Variants in OSBPL9 observed in about 807,000 individuals in gnomAD.
OSBPL9 encodes the protein oxysterol binding protein like 9, also known as oxysterol-binding protein-related protein 9.
In OSBPL9, 40 loss-of-function variants were observed where a neutral mutation model predicts 106.6. That is an observed-to-expected ratio of 0.38 (90% CI 0.29 to 0.49). The LOEUF (loss-of-function observed/expected upper bound fraction) is 0.49. OSBPL9 is among the 20% of genes least tolerant of loss of function. OSBPL9 has a pLI of 0.97. For synonymous variants in OSBPL9, 269 were observed against 295.4 expected, an observed-to-expected ratio of 0.91 and a Z score of 0.92; for missense variants, 609 against 887.2, an observed-to-expected ratio of 0.69 and a Z score of 3.98.
intron 1 of OSBPL9, among the ~76,000 whole-genome samples, chr1:51,628,102 A>G (rs899708044): frequency 6.6e-6 from 1 of 151,884 alleles, no homozygotes; most frequent in African/African-American, 2.4e-5. Flanking sequence ...ATTACTCTAA[A>G]TTTTTAAAAG....
chr1:51,550,944 A>C, the OSBPL9 span, among the ~76,000 whole-genome samples: 1 of 152,196 alleles, frequency 6.6e-6, no homozygotes, highest in Admixed American at 6.5e-5. Flanking sequence ...TAGTGATAGC[A>C]ACCATTTTTT....
chr1:51,697,974 A>T (rs1327013680), intron 3 of OSBPL9, among the ~76,000 whole-genome samples: 1 of 151,990 alleles, frequency 6.6e-6, no homozygotes, highest in East Asian at 1.9e-4. Context: ...ATGTGATAAT[A>T]ATAACATATT....
chr1:51,651,419 A>T (rs946233853), intron 1 of OSBPL9, among the ~76,000 whole-genome samples: 1 of 152,074 alleles, frequency 6.6e-6, no homozygotes, highest in East Asian at 1.9e-4. Flanking sequence ...CCTGGCCAAC[A>T]TGGTGAAACC....
chr1:51,587,403 ACACCCATTTC>A (rs1645252331), intron 1 of OSBPL9, among the ~76,000 whole-genome samples: 1 of 152,168 alleles, frequency 6.6e-6, no homozygotes, highest in Admixed American at 6.6e-5. Flanking sequence ...TGAAACTCGA[ACACCCATTTC>A]CACCCACCTC....
chr1:51,715,809 T>A (rs1329599878), intron 4 of OSBPL9, among the ~76,000 whole-genome samples: 1 of 152,264 alleles, frequency 6.6e-6, no homozygotes, highest in Non-Finnish European at 1.5e-5. Context: ...GTGTGTGATG[T>A]CCTTTCTCTG....
At chr1:51,770,714 G>A (rs1433482501) in intron 12 of OSBPL9, among the ~76,000 whole-genome samples, 1 of 152,176 alleles carries the variant, frequency 6.6e-6, no homozygotes, top group Admixed American at 6.5e-5. Flanking sequence ...AATCAAAGAA[G>A]TAATACTTAG....
chr1:51,536,603 G>A, the OSBPL9 span, among the ~76,000 whole-genome samples: 1 of 152,088 alleles, frequency 6.6e-6, no homozygotes, highest in South Asian at 2.1e-4. Context: ...TCAGGTGTGA[G>A]CCACCACACC....
chr1:51,614,291 A>G (rs1644009305), upstream of OSBPL9: 1 of 151,736 alleles, frequency 6.6e-6, no homozygotes, highest in Non-Finnish European at 1.5e-5. Flanking sequence ...TTCTTTTTCA[A>G]ATTTCTTTTA....
At chr1:51,578,243 A>G (rs1645197999) in intron 1 of OSBPL9, among the ~76,000 whole-genome samples, 1 of 152,222 alleles carries the variant, frequency 6.6e-6, no homozygotes, top group Non-Finnish European at 1.5e-5. Context: ...ATTGATTCTA[A>G]AAAGCTTGTA....
At chr1:51,662,243 A>C (rs960875685) in intron 2 of OSBPL9, among the ~76,000 whole-genome samples, 4 of 152,202 alleles carry the variant, frequency 2.6e-5, no homozygotes, top group African/African-American at 9.7e-5. Flanking sequence ...GGAATTGAAA[A>C]GGGCTGTTGT....
intron 3 of OSBPL9, among the ~76,000 whole-genome samples, chr1:51,678,385 G>C (rs934092511): frequency 6.6e-6 from 1 of 152,194 alleles, no homozygotes; most frequent in Non-Finnish European, 1.5e-5. Flanking sequence ...CAGTGGCCGG[G>C]TGCAGTGGCT....
intron 2 of OSBPL9, among the ~76,000 whole-genome samples, chr1:51,652,635 A>G (rs538316485): frequency 1.3e-5 from 2 of 152,236 alleles, no homozygotes; most frequent in East Asian, 3.8e-4. Flanking sequence ...CTTTCTTTCC[A>G]TACTAACTAT....
At chr1:51,725,822 G>C (rs75763942) in intron 4 of OSBPL9, among the ~76,000 whole-genome samples, 1,816 of 152,140 alleles carry the variant, frequency 0.012, 38 homozygotes, top group African/African-American at 0.042. Context: ...TCTCCCCCCT[G>C]CCCATATTAC....
chr1:51,674,899 GA>G (rs1650805748), intron 3 of OSBPL9, among the ~76,000 whole-genome samples: 1 of 152,122 alleles, frequency 6.6e-6, no homozygotes, highest in Non-Finnish European at 1.5e-5. Flanking sequence ...GATAGCTGAT[GA>G]GCTAAAAAAG....
chr1:51,648,370 G>A (rs1268861817), intron 1 of OSBPL9, among the ~76,000 whole-genome samples: 5 of 152,094 alleles, frequency 3.3e-5, no homozygotes, highest in Non-Finnish European at 5.9e-5. Context: ...TGCTTTCTTC[G>A]CATAGAAGGC....
At chr1:51,725,971 A>G (rs1663043082) in intron 4 of OSBPL9, among the ~76,000 whole-genome samples, 1 of 152,182 alleles carries the variant, frequency 6.6e-6, no homozygotes, top group Non-Finnish European at 1.5e-5. Context: ...GAGCTTAACT[A>G]CTCATAGCCT....
At chr1:51,530,321 G>A in the OSBPL9 span, among the ~76,000 whole-genome samples, 1 of 151,440 alleles carries the variant, frequency 6.6e-6, no homozygotes, top group Non-Finnish European at 1.5e-5. Flanking sequence ...GATGTCATCA[G>A]AACTTCTGTA....
At chr1:51,780,659 C>T (rs987786427) in intron 15 of OSBPL9, among the ~76,000 whole-genome samples, 3 of 152,034 alleles carry the variant, frequency 2.0e-5, no homozygotes, top group African/African-American at 2.4e-5. Context: ...CCCAGCTACT[C>T]GGGAGGCTGA....
At position 51,674,706 on chromosome 1, in the gene OSBPL9, TATA is replaced by T. The variant is rs371681974; in HGVS notation, c.241+5198_241+5200del. On this transcript the variant is annotated intron_variant, in intron 3 of 23. Transcript: ENST00000428468. Reference sequence around the variant, plus strand: ...ATATATGATGGTGGTTCTATAAGATTATAATACCATATTTTTACTGTACTTTTT... The same window carrying T: ...ATATATGATGGTGGTTCTATAAGATTATACCATATTTTTACTGTACTTTTT... Among the ~76,000 whole-genome samples the T allele has an allele frequency of 1.4e-3, 218 of 152,354 alleles. 5 individuals are homozygous for T. In the East Asian group the frequency reaches 0.032, roughly 22 times the overall value.
Sources: gnomAD v4.1 joint callset for allele counts (sites outside exome capture counted in the v4.1 genomes callset) on GRCh38, gnomAD v4.1.1 for gene constraint, MANE v1.5 for transcripts, NCBI Gene and HGNC (gene_info 2026-07-23, HGNC 2026-07-21) for gene names.